VAT1L: variants seen among roughly 807,000 people sequenced by gnomAD.
The protein encoded by VAT1L is vesicle amine transport 1 like.
Under a neutral mutation model 44.1 loss-of-function variants are expected in VAT1L, and 34 were observed. That is an observed-to-expected ratio of 0.77 (90% CI 0.59 to 1.03). The LOEUF (loss-of-function observed/expected upper bound fraction) is 1.03, where lower values mean the gene tolerates loss of function less well. Among genes scored for constraint, VAT1L ranks in the 50% least tolerant of loss-of-function variants. VAT1L has a pLI of 0.00. For synonymous variants in VAT1L, 253 were observed against 202.2 expected, an observed-to-expected ratio of 1.25 and a Z score of -2.13; for missense variants, 615 against 538.8, an observed-to-expected ratio of 1.14 and a Z score of -1.40.
chr16:77,922,056 C>T (rs1187854886), intron 7 of VAT1L, among the ~76,000 whole-genome samples: 1 of 152,138 alleles, frequency 6.6e-6, no homozygotes, highest in Non-Finnish European at 1.5e-5. Context: ...GCCACATATA[C>T]TTTAGAAAAA....
intron 7 of VAT1L, among the ~76,000 whole-genome samples, chr16:77,967,940 GC>G (rs1190744169): frequency 6.6e-6 from 1 of 152,186 alleles, no homozygotes. Context: ...AAGTCTGGCA[GC>G]CCTGAGTGCC....
At chr16:77,795,115 G>C (rs2015904116) in intron 1 of VAT1L, among the ~76,000 whole-genome samples, 1 of 152,110 alleles carries the variant, frequency 6.6e-6, no homozygotes. Context: ...TGATCTATCA[G>C]TAGAGAAGCC....
At chr16:77,854,428 T>A (rs549782315) in intron 3 of VAT1L, among the ~76,000 whole-genome samples, 3 of 152,336 alleles carry the variant, frequency 2.0e-5, no homozygotes, top group African/African-American at 7.2e-5. Flanking sequence ...ACAGTGGAGT[T>A]TGAATTTCCT....
At chr16:77,905,598 T>G (rs956000966) in intron 7 of VAT1L, among the ~76,000 whole-genome samples, 1 of 152,152 alleles carries the variant, frequency 6.6e-6, no homozygotes, top group South Asian at 2.1e-4. Flanking sequence ...TATTCACAAG[T>G]TGATGTTCCT....
intron 1 of VAT1L, among the ~76,000 whole-genome samples, chr16:77,811,922 A>G (rs2016271938): frequency 6.6e-6 from 1 of 152,162 alleles, no homozygotes; most frequent in South Asian, 2.1e-4. Flanking sequence ...AACAGAGCCC[A>G]CAGGATAAAG....
chr16:77,850,405 GAATC>G (rs2016797174), intron 3 of VAT1L, among the ~76,000 whole-genome samples: 1 of 152,192 alleles, frequency 6.6e-6, no homozygotes, highest in Non-Finnish European at 1.5e-5. Flanking sequence ...CCAAGGATCA[GAATC>G]CAAGTCCCAC....
chr16:77,856,978 TAC>T (rs1250846585), intron 3 of VAT1L, among the ~76,000 whole-genome samples: 1 of 152,158 alleles, frequency 6.6e-6, no homozygotes, highest in Non-Finnish European at 1.5e-5. Flanking sequence ...CACAAATACT[TAC>T]ACTAAAGGTG....
chr16:77,946,065 G>A (rs1403788462), intron 7 of VAT1L, among the ~76,000 whole-genome samples: 1 of 152,080 alleles, frequency 6.6e-6, no homozygotes, highest in South Asian at 2.1e-4. Context: ...CTCCCAAAGT[G>A]CTAGGATTAC....
chr16:77,940,068 C>T (rs916171635), intron 7 of VAT1L, among the ~76,000 whole-genome samples: 4 of 152,140 alleles, frequency 2.6e-5, no homozygotes, highest in African/African-American at 7.2e-5. Context: ...AATGGACATT[C>T]CAGATGCCTA....
chr16:77,909,091 A>T (rs1442749454), intron 7 of VAT1L, among the ~76,000 whole-genome samples: 2 of 152,184 alleles, frequency 1.3e-5, no homozygotes, highest in Non-Finnish European at 2.9e-5. Flanking sequence ...ACATTTTATA[A>T]GGGCTGTATT....
rs112944012 is a variant in VAT1L at position 77,968,586 on chromosome 16, G to C, written c.1078-3264G>C. Among the ~76,000 whole-genome samples, 927 of 152,028 alleles carry C rather than the reference G, an allele frequency of 6.1e-3. 4 individuals carry two copies. Among genetic ancestry groups the C allele is most frequent in the African/African-American group, 0.021 (882 of 41,478 alleles). ...TAAAAATACAAAAAATTAGCCGGGCGTGGTGGCAGGCGCCTGTAGTCCCAG... is the reference window on the plus strand; with the variant it reads ...TAAAAATACAAAAAATTAGCCGGGCCTGGTGGCAGGCGCCTGTAGTCCCAG... On this transcript the variant is annotated intron_variant, in intron 7 of 8. Transcript: ENST00000302536.
chr16:77,926,803 G>A (rs16946857), intron 7 of VAT1L, among the ~76,000 whole-genome samples: 28,781 of 151,938 alleles, frequency 0.19, 2,871 homozygotes, highest in Middle Eastern at 0.23. Context: ...ACACAGACAT[G>A]TCCCATTCCG....
rs563632479 is a variant in VAT1L, at chr16:77,790,934, G to A, written c.233+2019G>A. On this transcript the variant is annotated intron_variant, in intron 1 of 8. Coordinates refer to ENST00000302536, the MANE Select transcript of VAT1L (RefSeq NM_020927.3). ...GCCAGATGTGAAAGCCTGTTCTTCA[G>A]TGGCGCTACACACACACACACAGAA... is the stretch of plus-strand genomic sequence containing the variant. Among the ~76,000 whole-genome samples, 167 of 152,258 alleles carry A rather than the reference G, an allele frequency of 1.1e-3. 3 individuals are homozygous for A. Among genetic ancestry groups the A allele is most frequent in the East Asian group, 9.7e-4 (5 of 5,178 alleles).
intron 8 of VAT1L, among the ~76,000 whole-genome samples, chr16:77,975,911 C>T (rs1236559422): frequency 6.6e-6 from 1 of 152,224 alleles, no homozygotes; most frequent in Non-Finnish European, 1.5e-5. Context: ...CTTATGGATT[C>T]TGTGTTCACA....
chr16:77,895,846 C>T (rs2017318262), intron 7 of VAT1L, among the ~76,000 whole-genome samples: 1 of 152,228 alleles, frequency 6.6e-6, no homozygotes, highest in Admixed American at 6.5e-5. Flanking sequence ...AAGCCTGGGC[C>T]TATGCTTAGG....
intron 7 of VAT1L, among the ~76,000 whole-genome samples, chr16:77,935,366 A>T (rs554868039): frequency 1.3e-5 from 2 of 152,120 alleles, no homozygotes; most frequent in Non-Finnish European, 2.9e-5. Flanking sequence ...CTCATATTGT[A>T]GAGAATTACA....
chr16:77,896,401 C>T (rs2017325541), intron 7 of VAT1L, among the ~76,000 whole-genome samples: 1 of 152,158 alleles, frequency 6.6e-6, no homozygotes, highest in Admixed American at 6.5e-5. Context: ...GGGCAATTTC[C>T]TGTGAAAAAT....
rs943504927 is a variant in VAT1L, at chr16:77,876,449, C to A, written c.802C>A (p.Pro268Thr). ...TGGAAAAGGTCTCAGTCTTCTCAAA[C>A]CCCTGGGAACCTACATTTTATATGG... is the stretch of plus-strand genomic sequence containing the variant. ...NTGKGLSLLKPLGTYILYGSS... is the reference protein window; with the variant it reads ...NTGKGLSLLKTLGTYILYGSS... Residue 268 changes from proline to threonine, a missense_variant, in exon 5 of 9, where the codon CCC becomes ACC. Coordinates refer to ENST00000302536, the MANE Select transcript of VAT1L (RefSeq NM_020927.3). 5.5e-5 allele frequency: 89 copies of A among 1,614,176 alleles called. No homozygotes were observed. The highest frequency in any genetic ancestry group is 7.1e-5 in the Non-Finnish European group (84 of 1,180,026).
chr16:77,889,678 T>C (rs993195157), intron 7 of VAT1L, among the ~76,000 whole-genome samples: 1 of 152,256 alleles, frequency 6.6e-6, no homozygotes, highest in Non-Finnish European at 1.5e-5. Context: ...GTTTATAATT[T>C]AATGTCTGAG....
Sources: gnomAD v4.1 joint callset for allele counts (sites outside exome capture counted in the v4.1 genomes callset) on GRCh38, gnomAD v4.1.1 for gene constraint, MANE v1.5 for transcripts, NCBI Gene and HGNC (gene_info 2026-07-23, HGNC 2026-07-21) for gene names.